The following PRSS23 variants were observed in gnomAD, a reference collection of about 807,000 sequenced individuals.
PRSS23 encodes serine protease 23.
In PRSS23, 25 loss-of-function variants were observed where a neutral mutation model predicts 34.7. The observed-to-expected ratio is 0.72, with a 90% CI of 0.53 to 1.01. The LOEUF (loss-of-function observed/expected upper bound fraction) is 1.01, where lower values mean the gene tolerates loss of function less well. Ranked by LOEUF, PRSS23 falls within the 50% of genes least tolerant of loss-of-function variation. PRSS23 has a pLI of 0.00. For synonymous variants in PRSS23, 176 were observed against 186.6 expected (o/e 0.94, Z 0.46); for missense variants, 445 against 475.6 (o/e 0.94, Z 0.60).
chr11:86,853,341 G>A lies in PRSS23; in HGVS notation c.206+29748G>A, dbSNP rs188674862. ...ACAATCTGGGCTCACCGCAACCTCC[G>A]CCTCCCAGGTTCAAGCGATCTTGTG... is the stretch of plus-strand genomic sequence containing the variant. On this transcript the variant is annotated intron_variant, in intron 2 of 2. Transcript: ENST00000533902. 1.2e-3 allele frequency among the ~76,000 whole-genome samples: 147 copies of A among 123,662 alleles called. 1 individual carries two copies. Among genetic ancestry groups the A allele is most frequent in the African/African-American group, 4.3e-3 (140 of 32,302 alleles). The allele number at this position is 123,662 out of a possible 152,430, so 81.1% of individuals were successfully genotyped here.
chr11:86,860,344 C>A (rs186741557), intron 2 of PRSS23, among the ~76,000 whole-genome samples: 37 of 152,100 alleles, frequency 2.4e-4, no homozygotes, highest in Non-Finnish European at 4.6e-4. Context: ...GGTGATATTA[C>A]TCCCAGTATC....
intron 2 of PRSS23, chr11:86,909,191 C>T (rs1446157707): frequency 6.6e-6 from 1 of 152,180 alleles, no homozygotes; most frequent in African/African-American, 2.4e-5. Flanking sequence ...CCAGGCCTTC[C>T]TCCATATGGC....
intron 2 of PRSS23, among the ~76,000 whole-genome samples, chr11:86,856,681 A>C (rs1948573934): frequency 6.6e-6 from 1 of 152,206 alleles, no homozygotes; most frequent in Non-Finnish European, 1.5e-5. Context: ...TAGACAAACC[A>C]TTGGTGTTGG....
intron 2 of PRSS23, among the ~76,000 whole-genome samples, chr11:86,886,174 G>A (rs1403712918): frequency 6.6e-6 from 1 of 152,006 alleles, no homozygotes. Flanking sequence ...GGCCAGCCTG[G>A]ACAACAGTGA....
chr11:86,795,375 G>A (rs2135589161), intron 1 of PRSS23, among the ~76,000 whole-genome samples: 1 of 152,318 alleles, frequency 6.6e-6, no homozygotes, highest in Non-Finnish European at 1.5e-5. Context: ...AGAAAAGTGA[G>A]GCACAGAAGG....
At chr11:86,851,482 G>C (rs1417003982) in intron 2 of PRSS23, among the ~76,000 whole-genome samples, 2 of 152,242 alleles carry the variant, frequency 1.3e-5, no homozygotes, top group African/African-American at 4.8e-5. Flanking sequence ...GTGAGCAGGG[G>C]CATCTGCCCG....
At chr11:86,873,283 T>TGTGTATATATATATATATACACAC (rs1590905669) in intron 2 of PRSS23, among the ~76,000 whole-genome samples, 4 of 109,160 alleles carry the variant, frequency 3.7e-5, no homozygotes, top group African/African-American at 1.7e-4. Context: ...CACATATATA[T>TGTGTATATATATATATATACACAC]ACATATATAT....
chr11:86,931,789 G>C (rs1283043142), intron 2 of PRSS23, among the ~76,000 whole-genome samples: 1 of 151,988 alleles, frequency 6.6e-6, no homozygotes, highest in Non-Finnish European at 1.5e-5. Flanking sequence ...TTACAGGCAT[G>C]AGCCATCGTT....
rs542063724 is a variant in PRSS23 at position 86,950,334 on chromosome 11, C to G, written c.207-882C>G. On this transcript the variant is annotated intron_variant, in intron 2 of 2. Coordinates refer to the PRSS23 transcript ENST00000533902. ...AAGTGATTGTCAGAAAGTGAATCAC[C>G]CTTCCTTTTCCCCTCTTTAAGCATG... is the stretch of plus-strand genomic sequence containing the variant. 3.3e-5 allele frequency: 5 copies of G among 152,750 alleles called. No homozygotes were observed. In the East Asian group the frequency reaches 9.7e-4, roughly 29 times the overall value. 9.5% of individuals were successfully genotyped at this position (152,750 alleles called of 1,614,324 possible).
chr11:86,832,604 A>T (rs945408437), intron 2 of PRSS23: 1 of 496,338 alleles, frequency 2.0e-6, no homozygotes, highest in Non-Finnish European at 4.0e-6. Flanking sequence ...GGGGTTCAGC[A>T]TGGGGGTGAT....
chr11:86,810,883 G>A lies in PRSS23; in HGVS notation c.*2088G>A, dbSNP rs200816967. On this transcript the variant is annotated 3_prime_UTR_variant, in exon 2 of 2. Coordinates refer to ENST00000280258, the MANE Select transcript of PRSS23 (RefSeq NM_007173.6). The stretch of plus-strand genomic sequence containing the variant: ...TTTAGTGATAATAAAAGAAAGCATG[G>A]TATTAAACTATCATAGAAGTAGACA... 3 of 167,042 alleles carry A rather than the reference G, an allele frequency of 1.8e-5. No homozygotes were observed. The highest frequency in any genetic ancestry group is 3.9e-4 in the East Asian group (2 of 5,180). 10.3% of individuals were successfully genotyped at this position (167,042 alleles called of 1,614,324 possible).
upstream of PRSS23, among the ~76,000 whole-genome samples, chr11:86,799,691 C>G (rs1010340631): frequency 1.3e-5 from 2 of 152,082 alleles, no homozygotes; most frequent in Non-Finnish European, 2.9e-5. Context: ...GCACACCCCC[C>G]TACCCTGGCC....
intron 2 of PRSS23, among the ~76,000 whole-genome samples, chr11:86,850,198 A>G (rs558192402): frequency 1.3e-5 from 2 of 152,294 alleles, no homozygotes; most frequent in East Asian, 1.9e-4. Flanking sequence ...CCATCAAGCT[A>G]CAAATGGTCT....
intron 2 of PRSS23, chr11:86,909,730 T>C (rs1378283099): frequency 1.3e-5 from 2 of 152,260 alleles, no homozygotes; most frequent in African/African-American, 4.8e-5. Context: ...TTGTCATTAA[T>C]GTACCCCTTT....
Position 86,830,321 on chromosome 11 carries a change from C to A in PRSS23, c.206+6728C>A, listed in dbSNP as rs532077908. On this transcript the variant is annotated intron_variant, in intron 2 of 2. Coordinates refer to the PRSS23 transcript ENST00000533902. ...AGGTGCGGGATATAATCTCCTTGTG[C>A]ATCGTTTTTTAAGCCTGTCGGAAAA... 2.0e-5 allele frequency among the ~76,000 whole-genome samples: 3 copies of A among 152,298 alleles called. No homozygotes were observed. In the South Asian group the frequency reaches 6.2e-4, roughly 32 times the overall value.
intron 2 of PRSS23, among the ~76,000 whole-genome samples, chr11:86,879,564 G>A (rs1345307141): frequency 2.6e-4 from 32 of 122,654 alleles, no homozygotes; most frequent in African/African-American, 5.8e-4. Context: ...TCAGCCCCCC[G>A]CCCGGCCAGC....
intron 2 of PRSS23, among the ~76,000 whole-genome samples, chr11:86,869,379 C>A (rs908231536): frequency 6.6e-6 from 1 of 152,158 alleles, no homozygotes; most frequent in Non-Finnish European, 1.5e-5. Flanking sequence ...CTTTATCAAA[C>A]ATCAACTGGG....
intron 2 of PRSS23, among the ~76,000 whole-genome samples, chr11:86,861,439 C>T (rs1040441781): frequency 6.6e-6 from 1 of 151,438 alleles, no homozygotes; most frequent in African/African-American, 2.4e-5. Context: ...GTGCACCTCT[C>T]TGTGACAGCG....
At chr11:86,941,523 C>T (rs1223654575) in intron 2 of PRSS23, among the ~76,000 whole-genome samples, 1 of 152,190 alleles carries the variant, frequency 6.6e-6, no homozygotes, top group African/African-American at 2.4e-5. Flanking sequence ...TGTTTTTCCA[C>T]ATTTAGAGTT....
Sources: allele counts gnomAD v4.1 joint callset (sites outside exome capture counted in the v4.1 genomes callset), GRCh38; gene constraint gnomAD v4.1.1; transcripts MANE v1.5; gene names NCBI Gene and HGNC (gene_info 2026-07-23, HGNC 2026-07-21).